Variants in PHACTR1 observed in about 807,000 individuals in gnomAD.
PHACTR1 encodes RPEL repeat containing 1.
PHACTR1 carries 16 observed loss-of-function variants against 69.2 expected under a neutral mutation model. That is an observed-to-expected ratio of 0.23 (90% confidence interval 0.16 to 0.35). The LOEUF (loss-of-function observed/expected upper bound fraction) is 0.35. PHACTR1 is among the 10% of genes least tolerant of loss of function. PHACTR1 has a pLI of 1.00. For synonymous variants in PHACTR1, 312 were observed against 284.5 expected (o/e 1.10, Z -0.97); for missense variants, 510 against 734.7 (o/e 0.69, Z 3.54).
At chr6:13,138,224 C>T (rs916660894) in intron 5 of PHACTR1, among the ~76,000 whole-genome samples, 1 of 152,092 alleles carries the variant, frequency 6.6e-6, no homozygotes, top group Non-Finnish European at 1.5e-5. Context: ...CCCCCAGAGA[C>T]TGGAAGATGG....
chr6:12,911,148 G>A (rs1222344436), intron 4 of PHACTR1, among the ~76,000 whole-genome samples: 1 of 152,182 alleles, frequency 6.6e-6, no homozygotes, highest in Non-Finnish European at 1.5e-5. Context: ...AATCCCTGTT[G>A]ACTTAGAAGG....
At chr6:13,133,307 C>CTCTCCCTCTCTCTCCACGG (rs1820834791) in intron 5 of PHACTR1, among the ~76,000 whole-genome samples, 1 of 147,322 alleles carries the variant, frequency 6.8e-6, no homozygotes, top group Non-Finnish European at 1.5e-5. Flanking sequence ...CTCCCTCTCC[C>CTCTCCCTCTCTCTCCACGG]TCTCCCTCTC....
At chr6:12,978,743 G>A (rs1480910130) in intron 4 of PHACTR1, among the ~76,000 whole-genome samples, 3 of 152,272 alleles carry the variant, frequency 2.0e-5, no homozygotes, top group South Asian at 2.1e-4. Flanking sequence ...GCATGGGGTC[G>A]ACTTCATATT....
At chr6:13,174,456 A>G (rs1761047831) in intron 6 of PHACTR1, among the ~76,000 whole-genome samples, 1 of 152,246 alleles carries the variant, frequency 6.6e-6, no homozygotes, top group African/African-American at 2.4e-5. Context: ...GATGCAGTGT[A>G]GTTAATTCTT....
intron 5 of PHACTR1, among the ~76,000 whole-genome samples, chr6:13,131,465 G>A (rs1820455363): frequency 6.6e-6 from 1 of 151,978 alleles, no homozygotes; most frequent in Non-Finnish European, 1.5e-5. Flanking sequence ...GGAGGGGGAT[G>A]AGGGGTAAAA....
chr6:12,972,301 G>C (rs1794309565), intron 4 of PHACTR1, among the ~76,000 whole-genome samples: 1 of 152,160 alleles, frequency 6.6e-6, no homozygotes, highest in African/African-American at 2.4e-5. Flanking sequence ...CCTTGAAATT[G>C]GGTGAATTCA....
intron 3 of PHACTR1, among the ~76,000 whole-genome samples, chr6:12,730,368 C>G (rs1581460969): frequency 6.6e-6 from 1 of 151,872 alleles, no homozygotes. Flanking sequence ...TTTACATGAG[C>G]CAAATGTTTG....
At chr6:13,190,198 A>ATTTTTTTGTTTTTTTTTTTTTTTT (rs1763359701) in intron 7 of PHACTR1, among the ~76,000 whole-genome samples, 1 of 87,266 alleles carries the variant, frequency 1.1e-5, no homozygotes, top group African/African-American at 4.7e-5. Context: ...TAATTTTTGT[A>ATTTTTTTGTTTTTTTTTTTTTTTT]TTTTTTTTTT....
chr6:12,932,689 G>A lies in PHACTR1; in HGVS notation c.251-120676G>A, dbSNP rs148163371. Among the ~76,000 whole-genome samples, 309 of 152,120 alleles carry A rather than the reference G, an allele frequency of 2.0e-3. 5 individuals carry two copies. The highest frequency in any genetic ancestry group is 6.7e-3 in the African/African-American group (279 of 41,496). The stretch of plus-strand genomic sequence containing the variant: ...CCCTTAAACAATATCTTTTAATTCC[G>A]AATGATCCCAGTGGTTTCCTAAGCT... On this transcript the variant is annotated intron_variant, in intron 4 of 14. Transcript: ENST00000332995.
intron 8 of PHACTR1, among the ~76,000 whole-genome samples, chr6:13,215,575 A>T (rs1051175273): frequency 3.3e-5 from 5 of 152,218 alleles, no homozygotes; most frequent in Admixed American, 3.3e-4. Flanking sequence ...TGATGACGTA[A>T]CATTGTAATC....
At chr6:12,781,995 A>G (rs1474755663) in intron 4 of PHACTR1, among the ~76,000 whole-genome samples, 1 of 152,174 alleles carries the variant, frequency 6.6e-6, no homozygotes, top group Admixed American at 6.5e-5. Flanking sequence ...CCGAATGCCC[A>G]TGGCAGTGGA....
At chr6:12,861,080 C>A (rs988631398) in intron 4 of PHACTR1, among the ~76,000 whole-genome samples, 6 of 152,210 alleles carry the variant, frequency 3.9e-5, no homozygotes, top group Non-Finnish European at 5.9e-5. Context: ...GTGTTATTGA[C>A]TGACCAGTAT....
chr6:12,990,858 G>A (rs1034678133), intron 4 of PHACTR1, among the ~76,000 whole-genome samples: 3 of 152,082 alleles, frequency 2.0e-5, no homozygotes, highest in East Asian at 3.9e-4. Context: ...TCCCAGAGAC[G>A]ACCGGGCTCC....
intron 5 of PHACTR1, among the ~76,000 whole-genome samples, chr6:13,149,982 G>T (rs1824055230): frequency 6.6e-6 from 1 of 152,026 alleles, no homozygotes; most frequent in Non-Finnish European, 1.5e-5. Flanking sequence ...TTTTTAGAGA[G>T]GAAAAAAGTT....
intron 5 of PHACTR1, among the ~76,000 whole-genome samples, chr6:13,118,393 T>C (rs1313042301): frequency 6.6e-6 from 1 of 151,858 alleles, no homozygotes; most frequent in Non-Finnish European, 1.5e-5. Flanking sequence ...TTTACCCAAG[T>C]CCTGCTGTCT....
chr6:12,942,396 ACCCTGC>A lies in PHACTR1; in HGVS notation c.251-110966_251-110961del, dbSNP rs1790149918. 2.6e-5 allele frequency among the ~76,000 whole-genome samples: 4 copies of A among 152,288 alleles called. No homozygotes were observed. In the South Asian group the frequency reaches 8.3e-4, roughly 32 times the overall value. ...AAGTGATATACTACACTTTTGAAAT[ACCCTGC>A]CCTGTTTAAAGTAACCACAACTTCA... is the stretch of plus-strand genomic sequence containing the variant. On this transcript the variant is annotated intron_variant, in intron 4 of 14. Transcript: ENST00000332995.
chr6:12,945,164 G>A (rs1790537737), intron 4 of PHACTR1, among the ~76,000 whole-genome samples: 1 of 151,974 alleles, frequency 6.6e-6, no homozygotes, highest in African/African-American at 2.4e-5. Flanking sequence ...TTCCCCTTTT[G>A]CCTCCTTTAT....
chr6:13,252,615 TA>T (rs200936005), intron 10 of PHACTR1, among the ~76,000 whole-genome samples: 1,711 of 145,522 alleles, frequency 0.012, 21 homozygotes, highest in East Asian at 0.04. Flanking sequence ...CTGCTGTTAT[TA>T]AAAAAAAAAA....
At chr6:12,730,456 T>A in intron 3 of PHACTR1, among the ~76,000 whole-genome samples, 1 of 147,410 alleles carries the variant, frequency 6.8e-6, no homozygotes, top group South Asian at 2.4e-4. Flanking sequence ...TATAAGGTCA[T>A]TTAAAAAAAC....
Sources: allele counts gnomAD v4.1 joint callset (sites outside exome capture counted in the v4.1 genomes callset), GRCh38; gene constraint gnomAD v4.1.1; transcripts MANE v1.5; gene names NCBI Gene and HGNC (gene_info 2026-07-23, HGNC 2026-07-21).